Variants in BAALC observed in about 807,000 individuals in gnomAD.
The protein encoded by BAALC is brain and acute leukemia cytoplasmic protein.
Under a neutral mutation model 15.5 loss-of-function variants are expected in BAALC, and 9 were observed. The ratio of observed to expected loss-of-function variants is 0.58; its 90% CI spans 0.35 to 1.02. BAALC has a LOEUF of 1.02. Ranked by LOEUF, BAALC falls within the 50% of genes least tolerant of loss-of-function variation. The pLI is 0.02. For missense variants in BAALC, 201 were observed against 192.4 expected (o/e 1.04, Z -0.27); for synonymous variants, 80 against 74.6 (o/e 1.07, Z -0.37).
At chr8:103,218,753 T>C (rs77004766) in intron 2 of BAALC, among the ~76,000 whole-genome samples, 7,579 of 152,184 alleles carry the variant, frequency 0.05, 216 homozygotes, top group South Asian at 0.099. Flanking sequence ...GGAACTAGCA[T>C]GGGGACTGAT....
At chr8:103,190,643 G>A (rs943374978) in intron 1 of BAALC, among the ~76,000 whole-genome samples, 1 of 152,188 alleles carries the variant, frequency 6.6e-6, no homozygotes, top group African/African-American at 2.4e-5. Context: ...AATAACTTAT[G>A]AGTGTTGAAC....
intron 1 of BAALC, among the ~76,000 whole-genome samples, chr8:103,191,801 G>A (rs895592234): frequency 6.6e-6 from 1 of 152,152 alleles, no homozygotes; most frequent in Non-Finnish European, 1.5e-5. Flanking sequence ...CTTGTCAAAA[G>A]GGGGAGCTCA....
chr8:103,206,813 G>A (rs542164042), intron 1 of BAALC, among the ~76,000 whole-genome samples: 1 of 152,254 alleles, frequency 6.6e-6, no homozygotes, highest in South Asian at 2.1e-4. Flanking sequence ...ACAAGGAGCT[G>A]AGCAAAGATG....
Position 103,230,091 on chromosome 8 carries a change from C to T in BAALC, c.*1992C>T, listed in dbSNP as rs1812895651. 1 of 152,188 alleles carries T rather than the reference C, an allele frequency of 6.6e-6. No homozygotes were observed. The highest frequency in any genetic ancestry group is 1.5e-5 in the Non-Finnish European group (1 of 68,036). The allele number at this position is 152,188 out of a possible 1,614,324, so 9.4% of individuals were successfully genotyped here. On this transcript the variant is annotated 3_prime_UTR_variant, in exon 3 of 3. Coordinates refer to ENST00000309982, the MANE Select transcript of BAALC (RefSeq NM_024812.3). ...TTATATAGAAACACTTTCTCACTTACAGGGGAGAAGGAAATGCAGGGCACA... is the reference window on the plus strand; with the variant it reads ...TTATATAGAAACACTTTCTCACTTATAGGGGAGAAGGAAATGCAGGGCACA...
chr8:103,215,474 G>A (rs762831395), intron 2 of BAALC, among the ~76,000 whole-genome samples: 2 of 42,068 alleles, frequency 4.8e-5, no homozygotes, highest in South Asian at 2.5e-3. Flanking sequence ...ACATTCAGTT[G>A]CTTGAGACAA....
intron 2 of BAALC, 166 bp downstream of exon 2, chr8:103,213,251 C>A: frequency 1.4e-6 from 1 of 700,538 alleles, no homozygotes; most frequent in Admixed American, 3.0e-5. Flanking sequence ...AAACCCCACC[C>A]CAAAACCCTG....
At chr8:103,167,030 C>A (rs1450343037) in intron 1 of BAALC, among the ~76,000 whole-genome samples, 1 of 152,148 alleles carries the variant, frequency 6.6e-6, no homozygotes, top group Non-Finnish European at 1.5e-5. Flanking sequence ...CTTCATGAGT[C>A]TCTTAAGTCC....
chr8:103,163,338 A>G (rs1811271855), intron 1 of BAALC, among the ~76,000 whole-genome samples: 1 of 152,010 alleles, frequency 6.6e-6, no homozygotes, highest in African/African-American at 2.4e-5. Context: ...TTATCCTCCC[A>G]GTGGCTGCTC....
At chr8:103,188,752 T>G (rs1811901346) in intron 1 of BAALC, among the ~76,000 whole-genome samples, 1 of 152,226 alleles carries the variant, frequency 6.6e-6, no homozygotes, top group African/African-American at 2.4e-5. Flanking sequence ...AGTTATAAAC[T>G]GATCTTTGCT....
intron 1 of BAALC, among the ~76,000 whole-genome samples, chr8:103,184,162 T>C (rs1811785960): frequency 6.6e-6 from 1 of 152,246 alleles, no homozygotes; most frequent in Admixed American, 6.5e-5. Context: ...TCTCTTCTGG[T>C]TCCCTCTTTT....
At chr8:103,147,704 C>T (rs948115157) in intron 1 of BAALC, among the ~76,000 whole-genome samples, 1 of 152,160 alleles carries the variant, frequency 6.6e-6, no homozygotes, top group Non-Finnish European at 1.5e-5. Flanking sequence ...GACAATGGTG[C>T]TGTGCCATTC....
At chr8:103,150,299 A>ACAGC (rs1419333686) in intron 1 of BAALC, among the ~76,000 whole-genome samples, 2 of 152,156 alleles carry the variant, frequency 1.3e-5, no homozygotes, top group Non-Finnish European at 2.9e-5. Flanking sequence ...GGGTGGGGAC[A>ACAGC]CAGCCAAACC....
At chr8:103,198,770 G>C (rs1812150091) in intron 1 of BAALC, among the ~76,000 whole-genome samples, 2 of 152,144 alleles carry the variant, frequency 1.3e-5, no homozygotes, top group Admixed American at 1.3e-4. Flanking sequence ...AAATTGCCAG[G>C]TGTGGTGGTG....
intron 1 of BAALC, among the ~76,000 whole-genome samples, chr8:103,142,149 T>C (rs934876594): frequency 6.6e-6 from 1 of 152,230 alleles, no homozygotes; most frequent in African/African-American, 2.4e-5. Flanking sequence ...GTATAACATA[T>C]GGAAGAGGAA....
chr8:103,155,769 T>G (rs904723291), intron 1 of BAALC, among the ~76,000 whole-genome samples: 1 of 152,164 alleles, frequency 6.6e-6, no homozygotes, highest in Non-Finnish European at 1.5e-5. Context: ...TCTGATTTGG[T>G]AGTGGGAGTG....
chr8:103,145,220 G>A (rs1276352410), intron 1 of BAALC, among the ~76,000 whole-genome samples: 1 of 152,214 alleles, frequency 6.6e-6, no homozygotes, highest in African/African-American at 2.4e-5. Flanking sequence ...AAGGAAGGAG[G>A]CTTTCCCATA....
chr8:103,164,626 T>C (rs550559720), intron 1 of BAALC, among the ~76,000 whole-genome samples: 21 of 152,316 alleles, frequency 1.4e-4, no homozygotes, highest in African/African-American at 4.6e-4. Context: ...TACCACACTA[T>C]TGAGTCCTCA....
At chr8:103,176,411 T>C (rs901090142) in intron 1 of BAALC, among the ~76,000 whole-genome samples, 1 of 151,414 alleles carries the variant, frequency 6.6e-6, no homozygotes, top group African/African-American at 2.4e-5. Flanking sequence ...GGGTAATAGA[T>C]TTAAAAGAAA....
intron 1 of BAALC, among the ~76,000 whole-genome samples, chr8:103,192,176 C>T (rs898879988): frequency 3.9e-5 from 6 of 152,166 alleles, no homozygotes; most frequent in South Asian, 2.1e-4. Context: ...CTCAGCCTCC[C>T]GAGTAGCTGG....
Sources: allele counts gnomAD v4.1 joint callset (sites outside exome capture counted in the v4.1 genomes callset), GRCh38; gene constraint gnomAD v4.1.1; transcripts MANE v1.5; gene names NCBI Gene and HGNC (gene_info 2026-07-23, HGNC 2026-07-21).